PCSK6: variants seen among roughly 807,000 people sequenced by gnomAD.
The protein encoded by PCSK6 is paired basic amino acid cleaving enzyme 4.
Under a neutral mutation model 123.3 loss-of-function variants are expected in PCSK6, and 85 were observed. The observed-to-expected ratio is 0.69, with a 90% CI of 0.58 to 0.83. PCSK6 has a LOEUF of 0.83. Among genes scored for constraint, PCSK6 ranks in the 40% least tolerant of loss-of-function variants. The pLI, the probability that PCSK6 is intolerant of heterozygous loss-of-function variation, is 0.00. For missense variants in PCSK6, 1,191 were observed against 1,282.3 expected, an observed-to-expected ratio of 0.93 and a Z score of 1.09; for synonymous variants, 508 against 516.0, an observed-to-expected ratio of 0.98 and a Z score of 0.21.
intron 13 of PCSK6, among the ~76,000 whole-genome samples, chr15:101,356,565 AG>A (rs1247781601): frequency 6.6e-6 from 1 of 151,216 alleles, no homozygotes; most frequent in African/African-American, 2.4e-5. Context: ...CTGTAATCCC[AG>A]CTACTTGGGA....
intron 1 of PCSK6, among the ~76,000 whole-genome samples, chr15:101,454,813 C>T (rs899885851): frequency 2.0e-5 from 3 of 152,052 alleles, no homozygotes; most frequent in South Asian, 2.1e-4. Context: ...GGTATGGTGG[C>T]GTGCACCTGT....
intron 7 of PCSK6, among the ~76,000 whole-genome samples, chr15:101,396,349 C>T (rs1337272636): frequency 1.3e-5 from 2 of 152,092 alleles, no homozygotes; most frequent in African/African-American, 2.4e-5. Context: ...CCAGAGAGCC[C>T]GAACGATCAC....
At chr15:101,312,795 C>A (rs957258810) in intron 20 of PCSK6, among the ~76,000 whole-genome samples, 2 of 149,812 alleles carry the variant, frequency 1.3e-5, no homozygotes, top group Admixed American at 6.6e-5. Flanking sequence ...TCGCCCACTG[C>A]GCTCCAGCCT....
chr15:101,481,787 C>T (rs1023293448), intron 1 of PCSK6, among the ~76,000 whole-genome samples: 1 of 152,208 alleles, frequency 6.6e-6, no homozygotes, highest in African/African-American at 2.4e-5. Context: ...GATGATTAGT[C>T]CAGCTGATAA....
chr15:101,350,956 A>C (rs1438426146), intron 13 of PCSK6, among the ~76,000 whole-genome samples: 2 of 152,258 alleles, frequency 1.3e-5, no homozygotes, highest in African/African-American at 2.4e-5. Flanking sequence ...AAATTATAGA[A>C]GCTTACAATT....
intron 6 of PCSK6, among the ~76,000 whole-genome samples, chr15:101,422,752 G>A (rs1175030602): frequency 6.6e-6 from 1 of 152,066 alleles, no homozygotes; most frequent in Non-Finnish European, 1.5e-5. Context: ...CTCCCAAGTA[G>A]CTGGGACTGC....
chr15:101,309,954 C>T (rs2039816170), intron 20 of PCSK6, among the ~76,000 whole-genome samples: 1 of 152,194 alleles, frequency 6.6e-6, no homozygotes, highest in Admixed American at 6.5e-5. Flanking sequence ...CTGCAGTTGC[C>T]AACCCAGCAG....
intron 2 of PCSK6, among the ~76,000 whole-genome samples, chr15:101,441,249 C>T (rs1355478409): frequency 2.6e-5 from 4 of 152,064 alleles, no homozygotes; most frequent in Non-Finnish European, 5.9e-5. Context: ...AATGCTTTGC[C>T]CTCAGACCCA....
At chr15:101,469,428 C>G (rs11637934) in intron 1 of PCSK6, among the ~76,000 whole-genome samples, 1 of 152,194 alleles carries the variant, frequency 6.6e-6, no homozygotes, top group East Asian at 1.9e-4. Flanking sequence ...TAAGCTTCTA[C>G]GCTGGCTCCA....
At chr15:101,372,116 G>C (rs1280626986) in intron 11 of PCSK6, among the ~76,000 whole-genome samples, 1 of 152,160 alleles carries the variant, frequency 6.6e-6, no homozygotes, top group Non-Finnish European at 1.5e-5. Context: ...CAGGCCATTA[G>C]GGTTCATGCC....
chr15:101,395,094 G>A (rs2042366456), intron 7 of PCSK6, among the ~76,000 whole-genome samples: 1 of 152,206 alleles, frequency 6.6e-6, no homozygotes, highest in Non-Finnish European at 1.5e-5. Flanking sequence ...ATCAGAGCCT[G>A]TCCTTATTCC....
rs995533101 is a variant in PCSK6, at chr15:101,469,403, G to A, written c.297+19971C>T. Among the ~76,000 whole-genome samples the A allele has an allele frequency of 1.3e-5, 2 of 152,364 alleles. 1 individual carries two copies. Among genetic ancestry groups the A allele is most frequent in the Middle Eastern group, 6.8e-3 (2 of 294 alleles). ...GCCCTGCGTGACTGTGTGCAGGCGA[G>A]AAACCATTCCTTCATAAGCTTCTAC... On this transcript the variant is annotated intron_variant, in intron 1 of 21. Transcript: ENST00000611716.
At chr15:101,311,242 CT>C (rs1265206509) in intron 20 of PCSK6, among the ~76,000 whole-genome samples, 4 of 151,430 alleles carry the variant, frequency 2.6e-5, no homozygotes, top group Non-Finnish European at 5.9e-5. Flanking sequence ...TCCTGTAAGA[CT>C]GGGATTACAG....
intron 1 of PCSK6, among the ~76,000 whole-genome samples, chr15:101,479,568 A>G (rs2057818777): frequency 6.6e-6 from 1 of 152,192 alleles, no homozygotes. Flanking sequence ...CTGGTCGGAC[A>G]GGGCTGTGGT....
chr15:101,362,812 G>C (rs894161422), intron 13 of PCSK6, among the ~76,000 whole-genome samples: 3 of 152,248 alleles, frequency 2.0e-5, no homozygotes, highest in East Asian at 1.9e-4. Context: ...TCTACCCCCA[G>C]GTAGAAGGGC....
Position 101,393,342 on chromosome 15 carries a change from T to A in PCSK6, c.1079A>T (p.Tyr360Phe). 7 of 1,609,388 alleles carry A rather than the reference T, an allele frequency of 4.3e-6. No individual in the cohort carries two copies. The highest frequency in any genetic ancestry group is 5.9e-6 in the Non-Finnish European group (7 of 1,177,868). The change falls in exon 8 of 22, where the codon TAC (tyrosine) becomes TTC (phenylalanine). Residue 360 changes from tyrosine to phenylalanine, a missense_variant. Tyr to Phe is a conservative substitution (Grantham distance 22, BLOSUM62 3). Transcript: ENST00000611716. ...GGAGATGGTGTAGATGCTGTTGGTG[T>A]AGCCATCGCACGAGCAGTAGTCCCC... ...REGDYCSCDG[Y>F]TNSIYTISVS...
At chr15:101,330,670 G>C (rs574322051) in intron 15 of PCSK6, among the ~76,000 whole-genome samples, 1 of 152,320 alleles carries the variant, frequency 6.6e-6, no homozygotes, top group South Asian at 2.1e-4. Flanking sequence ...TCCCTGCTCA[G>C]TAGACTGCTG....
chr15:101,437,404 G>A (rs901639991), intron 2 of PCSK6, among the ~76,000 whole-genome samples: 8 of 152,200 alleles, frequency 5.3e-5, no homozygotes, highest in Admixed American at 1.3e-4. Context: ...CAGTGAGTAA[G>A]CCCGGGCAGT....
intron 13 of PCSK6, among the ~76,000 whole-genome samples, chr15:101,334,665 G>T (rs567879611): frequency 6.6e-6 from 1 of 152,306 alleles, no homozygotes; most frequent in Admixed American, 6.5e-5. Context: ...GGCTCTAGAG[G>T]CTATCATTTG....
Sources: gnomAD v4.1 joint callset for allele counts (sites outside exome capture counted in the v4.1 genomes callset) on GRCh38, gnomAD v4.1.1 for gene constraint, MANE v1.5 for transcripts, NCBI Gene and HGNC (gene_info 2026-07-23, HGNC 2026-07-21) for gene names.